The following SPEN variants were observed in gnomAD, a reference collection of about 807,000 sequenced individuals.
SPEN encodes the protein spen family transcriptional repressor, also known as msx2-interacting protein.
In SPEN, 18 loss-of-function variants were observed where a neutral mutation model predicts 269.9. The ratio of observed to expected loss-of-function variants is 0.07; its 90% confidence interval spans 0.05 to 0.10. The LOEUF (loss-of-function observed/expected upper bound fraction) is 0.10, where lower values mean the gene tolerates loss of function less well. Among genes scored for constraint, SPEN ranks in the 10% least tolerant of loss-of-function variants. The pLI, the probability that SPEN is intolerant of heterozygous loss-of-function variation, is 1.00. For missense variants in SPEN, 3,822 were observed against 4,631.2 expected (o/e 0.83, Z 5.07); for synonymous variants, 1,726 against 1,765.7 (o/e 0.98, Z 0.56).
At chr1:15,885,544 T>C (rs1256006575) in intron 3 of SPEN, among the ~76,000 whole-genome samples, 1 of 152,224 alleles carries the variant, frequency 6.6e-6, no homozygotes, top group African/African-American at 2.4e-5. Flanking sequence ...TTAAGTATGC[T>C]CTTTCCTTAA....
intron 3 of SPEN, among the ~76,000 whole-genome samples, chr1:15,904,342 C>A (rs971797736): frequency 1.3e-5 from 2 of 150,200 alleles, no homozygotes; most frequent in Non-Finnish European, 2.9e-5. Context: ...CTGGGCCTGG[C>A]GGCCAACAAA....
intron 9 of SPEN, among the ~76,000 whole-genome samples, chr1:15,921,535 C>G (rs1009013099): frequency 6.6e-6 from 1 of 152,190 alleles, no homozygotes; most frequent in African/African-American, 2.4e-5. Context: ...GTGTGCTTCT[C>G]AGTGTTCGGG....
At position 15,897,365 on chromosome 1, in the gene SPEN, C is replaced by T. The variant is rs2070852481; in HGVS notation, c.882-11956C>T. ...CATCATGCCTGGCTAATTTTTCTTT[C>T]TTTTTTTTTTTTTTGAGACGGAGTT... On this transcript the variant is annotated intron_variant, in intron 3 of 14. Coordinates refer to ENST00000375759, the MANE Select transcript of SPEN (RefSeq NM_015001.3). 2.9e-5 allele frequency among the ~76,000 whole-genome samples: 4 copies of T among 138,312 alleles called. No individual in the cohort carries two copies. In the South Asian group the frequency reaches 7.0e-4, roughly 24 times the overall value. The allele number at this position is 138,312 out of a possible 152,430, so 90.7% of individuals were successfully genotyped here.
At chr1:15,891,918 A>C (rs767677600) in intron 3 of SPEN, among the ~76,000 whole-genome samples, 4 of 151,022 alleles carry the variant, frequency 2.6e-5, no homozygotes, top group East Asian at 3.9e-4. Context: ...AAAAAAAAAA[A>C]CTTATTTATG....
At chr1:15,860,558 C>G (rs1179749845) in intron 1 of SPEN, among the ~76,000 whole-genome samples, 1 of 151,242 alleles carries the variant, frequency 6.6e-6, no homozygotes, top group Non-Finnish European at 1.5e-5. Context: ...TCCCGAAGTG[C>G]TGGGATTACA....
chr1:15,875,566 T>C (rs969687373), intron 2 of SPEN, among the ~76,000 whole-genome samples: 10 of 152,164 alleles, frequency 6.6e-5, no homozygotes, highest in African/African-American at 2.4e-4. Flanking sequence ...TTTTTGAGAT[T>C]CTATTTTTAT....
In SPEN at chr1:15,932,490, A is replaced by G. The variant is rs1218639764; in HGVS notation, c.6250A>G (p.Arg2084Gly). The G allele has an allele frequency of 6.2e-7, 1 of 1,608,908 alleles. No homozygotes were observed. The highest frequency in any genetic ancestry group is 8.5e-7 in the Non-Finnish European group (1 of 1,177,616). The change falls in exon 11 of 15, where the codon AGG becomes GGG. Residue 2084 changes from arginine to glycine, a missense_variant. Transcript: ENST00000375759. This position sits in a 1 kb window ranked among gnomAD's most constrained non-coding sequence, Gnocchi z 4.2. ...KSKRGRSRNS[R>G]LAVDKSASLK... ...AAAGAGAGGAAGATCTCGAAACTCC[A>G]GGTTAGCAGTGGACAAATCTGCAAG...
chr1:15,920,196 A>G (rs1262631197), intron 8 of SPEN, among the ~76,000 whole-genome samples: 1 of 152,060 alleles, frequency 6.6e-6, no homozygotes, highest in Non-Finnish European at 1.5e-5. Context: ...CAGCCTCTTG[A>G]ATAGCTGGGA....
intron 9 of SPEN, 41 bp downstream of exon 9, chr1:15,921,024 A>T: frequency 7.4e-7 from 1 of 1,346,904 alleles, no homozygotes; most frequent in Non-Finnish European, 1.0e-6. Flanking sequence ...ACAAAGTCCT[A>T]TTCAAATCTC....
chr1:15,920,051 CTT>C (rs201292788), intron 8 of SPEN, among the ~76,000 whole-genome samples: 1 of 145,650 alleles, frequency 6.9e-6, no homozygotes, highest in African/African-American at 2.5e-5. Context: ...CTTGACAATG[CTT>C]TTTTTTTTTT....
At chr1:15,871,495 C>T (rs1177716217) in intron 1 of SPEN, among the ~76,000 whole-genome samples, 1 of 151,672 alleles carries the variant, frequency 6.6e-6, no homozygotes, top group Non-Finnish European at 1.5e-5. Flanking sequence ...TGTGTACTAC[C>T]ATGCCCAGCT....
At chr1:15,936,312 G>A (rs371025309) in intron 11 of SPEN, 46 bp downstream of exon 11, 10 of 1,498,862 alleles carry the variant, frequency 6.7e-6, no homozygotes, top group Middle Eastern at 1.8e-4. Context: ...GCATGTGCTT[G>A]TGGGGCTCAG....
At chr1:15,909,536 T>G in intron 4 of SPEN, 55 bp downstream of exon 4, 15 of 1,478,400 alleles carry the variant, frequency 1.0e-5, no homozygotes, top group Non-Finnish European at 1.4e-5. Context: ...GAATGAGGTA[T>G]GATACTGCAT....
chr1:15,907,670 G>T (rs1041551751), intron 3 of SPEN, among the ~76,000 whole-genome samples: 1 of 151,976 alleles, frequency 6.6e-6, no homozygotes, highest in Non-Finnish European at 1.5e-5. Flanking sequence ...GAAAAGTGAG[G>T]CCTCTATAAC....
rs2071328738 is a variant in SPEN, at chr1:15,940,148, C to A, written c.*721C>A. On this transcript the variant is annotated 3_prime_UTR_variant, in exon 15 of 15. Coordinates refer to ENST00000375759, the MANE Select transcript of SPEN (RefSeq NM_015001.3). ...TAATACTGACTTAAAAAATCAAATCCCCCGACATACGTTTTTTTTAATCTG... is the reference window on the plus strand; with the variant it reads ...TAATACTGACTTAAAAAATCAAATCACCCGACATACGTTTTTTTTAATCTG... 4.5e-6 allele frequency: 1 copy of A among 224,270 alleles called. No individual in the cohort carries two copies. Among genetic ancestry groups the A allele is most frequent in the Admixed American group, 5.8e-5 (1 of 17,310 alleles). 13.9% of individuals were successfully genotyped at this position (224,270 alleles called of 1,614,324 possible). A position where few individuals can be genotyped will look rare whatever the true frequency, so the allele number is the denominator to read the frequency against.
At chr1:15,884,587 A>G (rs1318653643) in intron 3 of SPEN, among the ~76,000 whole-genome samples, 1 of 151,962 alleles carries the variant, frequency 6.6e-6, no homozygotes, top group Non-Finnish European at 1.5e-5. Flanking sequence ...CAATTGGGAG[A>G]AGGAATGCTA....
intron 5 of SPEN, 39 bp downstream of exon 5, chr1:15,911,340 A>C: frequency 6.4e-7 from 1 of 1,557,382 alleles, no homozygotes; most frequent in African/African-American, 1.4e-5. Flanking sequence ...TACTCATCAC[A>C]CACACTGTTT....
At chr1:15,881,325 G>A (rs948576178) in intron 3 of SPEN, among the ~76,000 whole-genome samples, 1 of 152,148 alleles carries the variant, frequency 6.6e-6, no homozygotes, top group African/African-American at 2.4e-5. Flanking sequence ...AAAGGAGATA[G>A]CTTGTTGAGA....
At chr1:15,915,958 TTAA>T (rs1433754851) in intron 5 of SPEN, among the ~76,000 whole-genome samples, 167 bp from the exon 6 acceptor site, 2 of 152,210 alleles carry the variant, frequency 1.3e-5, no homozygotes, top group East Asian at 3.8e-4. Flanking sequence ...TGCTTTAGAG[TTAA>T]TAAGGGGTGG....
Sources: gnomAD v4.1 joint callset for allele counts (sites outside exome capture counted in the v4.1 genomes callset) on GRCh38, gnomAD v4.1.1 for gene constraint, Gnocchi (gnomAD v3.1) non-coding constraint, MANE v1.5 for transcripts, NCBI Gene and HGNC (gene_info 2026-07-23, HGNC 2026-07-21) for gene names.